Variants in DIAPH2 observed in about 807,000 individuals in gnomAD.
DIAPH2 encodes protein diaphanous homolog 2.
Under a neutral mutation model 92.7 loss-of-function variants are expected in DIAPH2, and 35 were observed. That is an observed-to-expected ratio of 0.38 (90% confidence interval 0.29 to 0.50). The LOEUF is 0.50. DIAPH2 is among the 20% of genes least tolerant of loss of function. The pLI is 0.94. For synonymous variants in DIAPH2, 301 were observed against 280.4 expected (o/e 1.07, Z -0.73); for missense variants, 701 against 819.5 (o/e 0.86, Z 1.77).
chrX:97,389,944 A>T (rs1402152380), intron 25 of DIAPH2, among the ~76,000 whole-genome samples: 2 of 111,298 alleles, frequency 1.8e-5, no homozygotes, highest in Non-Finnish European at 3.8e-5. Flanking sequence ...AGACCAGCTG[A>T]CATCAGTAGT....
At chrX:97,552,674 A>G (rs1163420236) in intron 26 of DIAPH2, among the ~76,000 whole-genome samples, 1 of 111,026 alleles carries the variant, frequency 9.0e-6, no homozygotes, top group Non-Finnish European at 1.9e-5. Flanking sequence ...TGCATATAGA[A>G]AAGCAATATA....
At chrX:97,257,957 TAAAAAAAAAAAAAA>T (rs59772699) in intron 23 of DIAPH2, among the ~76,000 whole-genome samples, 46,232 of 92,204 alleles carry the variant, frequency 0.5, 9,062 homozygotes, top group Non-Finnish European at 0.63. Context: ...GTTCTTTGTT[TAAAAAAAAAAAAAA>T]AAAAAAAAAG....
chrX:96,884,823 C>T, intron 5 of DIAPH2: 6 of 1,211,002 alleles, frequency 5.0e-6, no homozygotes, highest in Non-Finnish European at 6.7e-6. Context: ...TGGATAAAGC[C>T]CGTCGTGATA....
At chrX:97,084,218 A>G (rs1259033987) in intron 19 of DIAPH2, among the ~76,000 whole-genome samples, 1 of 111,119 alleles carries the variant, frequency 9.0e-6, no homozygotes, top group African/African-American at 3.3e-5. Flanking sequence ...CACCAGCCAT[A>G]TGAATGGGAG....
At chrX:97,073,421 T>C (rs112326244) in intron 18 of DIAPH2, among the ~76,000 whole-genome samples, 1 of 112,005 alleles carries the variant, frequency 8.9e-6, no homozygotes, top group Non-Finnish European at 1.9e-5. Flanking sequence ...ATCCTTCTAC[T>C]GCTATTCCTT....
intron 4 of DIAPH2, among the ~76,000 whole-genome samples, chrX:96,860,647 A>T (rs984228004): frequency 9.0e-6 from 1 of 111,627 alleles, no homozygotes; most frequent in African/African-American, 3.3e-5. Flanking sequence ...TATTTGCAGG[A>T]TTGTTTATAC....
At chrX:96,703,017 A>G (rs5949981) in intron 1 of DIAPH2, among the ~76,000 whole-genome samples, 43,257 of 110,569 alleles carry the variant, frequency 0.39, 7,148 homozygotes, top group South Asian at 0.53. Flanking sequence ...AGGGGGAAAC[A>G]GACATTCAGT....
At chrX:97,191,663 A>T (rs2067654820) in intron 22 of DIAPH2, among the ~76,000 whole-genome samples, 1 of 112,389 alleles carries the variant, frequency 8.9e-6, no homozygotes, top group South Asian at 3.7e-4. Flanking sequence ...CCTACAATGC[A>T]TTCATTAGCA....
At chrX:97,286,946 A>G (rs2068548295) in intron 23 of DIAPH2, among the ~76,000 whole-genome samples, 1 of 111,725 alleles carries the variant, frequency 9.0e-6, no homozygotes, top group South Asian at 3.7e-4. Context: ...TGGGGTAAGG[A>G]GCAAGATGGA....
intron 24 of DIAPH2, among the ~76,000 whole-genome samples, chrX:97,381,064 G>A (rs1035424983): frequency 2.7e-5 from 3 of 111,168 alleles, no homozygotes; most frequent in African/African-American, 9.8e-5. Context: ...CCTTTTGCAA[G>A]CTTCCCTCTC....
intron 5 of DIAPH2, chrX:96,884,683 G>A: frequency 8.3e-7 from 1 of 1,211,140 alleles, no homozygotes; most frequent in Non-Finnish European, 1.1e-6. Context: ...CGGAGTATAT[G>A]TCAAAGTGTT....
chrX:96,891,957 T>C (rs1381708882), intron 5 of DIAPH2, among the ~76,000 whole-genome samples: 1 of 112,360 alleles, frequency 8.9e-6, no homozygotes, highest in African/African-American at 3.2e-5. Context: ...GTTTATTTGA[T>C]GCTATCTTCC....
At chrX:97,083,403 A>G (rs765027731) in intron 19 of DIAPH2, among the ~76,000 whole-genome samples, 58 of 112,570 alleles carry the variant, frequency 5.2e-4, no homozygotes, top group African/African-American at 1.8e-3. Flanking sequence ...TAAATATTAC[A>G]CAATGAATAA....
intron 15 of DIAPH2, among the ~76,000 whole-genome samples, chrX:96,952,458 G>C (rs1464223331): frequency 8.9e-6 from 1 of 111,875 alleles, no homozygotes; most frequent in Non-Finnish European, 1.9e-5. Flanking sequence ...ATTTATGGCT[G>C]TGCACAGTGG....
intron 26 of DIAPH2, among the ~76,000 whole-genome samples, chrX:97,476,984 TACACACACACAC>T (rs1190615516): frequency 0.011 from 609 of 57,077 alleles, 28 homozygotes; most frequent in Non-Finnish European, 0.013. Flanking sequence ...TATATATATA[TACACACACACAC>T]ACACACACAC....
chrX:96,880,129 G>A (rs1468506138), intron 4 of DIAPH2, among the ~76,000 whole-genome samples: 3 of 111,528 alleles, frequency 2.7e-5, no homozygotes, highest in African/African-American at 6.5e-5. Flanking sequence ...GTATGAAATC[G>A]TATTCCTTGT....
intron 4 of DIAPH2, among the ~76,000 whole-genome samples, chrX:96,871,022 G>A (rs1476501946): frequency 8.9e-6 from 1 of 112,032 alleles, no homozygotes; most frequent in African/African-American, 3.2e-5. Context: ...CACAACAAAT[G>A]TTGGTAAGTC....
At chrX:97,293,579 G>C (rs1164944980) in intron 23 of DIAPH2, among the ~76,000 whole-genome samples, 3 of 111,480 alleles carry the variant, frequency 2.7e-5, no homozygotes, top group Non-Finnish European at 5.6e-5. Context: ...TTATTATTTT[G>C]TGTATGTCAT....
chrX:97,038,665 G>T (rs2066428242), intron 17 of DIAPH2, among the ~76,000 whole-genome samples: 2 of 109,588 alleles, frequency 1.8e-5, no homozygotes, highest in African/African-American at 6.6e-5. Flanking sequence ...CTGGGATAAG[G>T]TGGTTATCTC....
Sources: gnomAD v4.1 joint callset for allele counts (sites outside exome capture counted in the v4.1 genomes callset) on GRCh38, gnomAD v4.1.1 for gene constraint, MANE v1.5 for transcripts, NCBI Gene and HGNC (gene_info 2026-07-23, HGNC 2026-07-21) for gene names.